WWOX: variants seen among roughly 807,000 people sequenced by gnomAD.
WWOX encodes WW domain-containing oxidoreductase.
WWOX carries 69 observed loss-of-function variants against 46.2 expected under a neutral mutation model. That is an observed-to-expected ratio of 1.49 (90% CI 1.23 to 1.82). WWOX has a LOEUF of 1.82. WWOX is among the 40% of genes most tolerant of loss of function. The pLI is 0.00. For synonymous variants in WWOX, 359 were observed against 202.6 expected (o/e 1.77, Z -6.56); for missense variants, 919 against 542.6 (o/e 1.69, Z -6.89).
chr16:78,569,079 T>C (rs1384029499), intron 8 of WWOX, among the ~76,000 whole-genome samples: 1 of 152,198 alleles, frequency 6.6e-6, no homozygotes, highest in Non-Finnish European at 1.5e-5. Context: ...CAGGCCACTC[T>C]GTCTGAGGAA....
At chr16:78,547,721 C>T (rs1597247669) in intron 8 of WWOX, among the ~76,000 whole-genome samples, 1 of 152,138 alleles carries the variant, frequency 6.6e-6, no homozygotes, top group Admixed American at 6.5e-5. Context: ...CTTGCTATGT[C>T]CTCATATCGT....
intron 8 of WWOX, among the ~76,000 whole-genome samples, chr16:78,969,926 T>G (rs2046438206): frequency 6.6e-6 from 1 of 152,188 alleles, no homozygotes; most frequent in East Asian, 1.9e-4. Flanking sequence ...GTAAAGTTGA[T>G]TGTGGAAATT....
intron 5 of WWOX, among the ~76,000 whole-genome samples, chr16:78,170,482 A>T (rs764067820): frequency 1.3e-5 from 2 of 152,244 alleles, no homozygotes; most frequent in South Asian, 2.1e-4. Context: ...GTGCAAAGTG[A>T]TGCTTACTTT....
intron 8 of WWOX, among the ~76,000 whole-genome samples, chr16:78,744,326 T>G (rs760196446): frequency 1.8e-4 from 28 of 152,026 alleles, no homozygotes; most frequent in Non-Finnish European, 1.3e-4. Context: ...TGACGTTTCA[T>G]TTTTATTTGT....
intron 1 of WWOX, among the ~76,000 whole-genome samples, chr16:78,102,938 C>T (rs767902518): frequency 6.6e-5 from 10 of 152,172 alleles, no homozygotes; most frequent in Admixed American, 4.6e-4. Flanking sequence ...GACCCGCTTC[C>T]GGCTTCCTAA....
intron 8 of WWOX, among the ~76,000 whole-genome samples, chr16:78,547,658 G>A (rs1378514631): frequency 1.3e-5 from 2 of 152,124 alleles, no homozygotes; most frequent in Non-Finnish European, 2.9e-5. Flanking sequence ...CAAGCTGCTG[G>A]CAGATTGAGT....
At chr16:78,466,915 C>T (rs2084092774) in intron 8 of WWOX, among the ~76,000 whole-genome samples, 2 of 150,442 alleles carry the variant, frequency 1.3e-5, no homozygotes, top group African/African-American at 2.5e-5. Context: ...GTAGCATGGG[C>T]AGGAAATAAT....
At chr16:79,068,505 G>C (rs777276602) in intron 8 of WWOX, among the ~76,000 whole-genome samples, 6 of 151,998 alleles carry the variant, frequency 3.9e-5, no homozygotes, top group Non-Finnish European at 8.8e-5. Flanking sequence ...CGTGTAGGAA[G>C]CTCAAGACAG....
At chr16:79,028,054 C>G (rs1005106048) in intron 8 of WWOX, among the ~76,000 whole-genome samples, 2 of 151,782 alleles carry the variant, frequency 1.3e-5, no homozygotes, top group Admixed American at 1.3e-4. Context: ...TGGGTTCACG[C>G]CATTCTCCTG....
At chr16:78,103,167 A>G (rs1272302652) in intron 1 of WWOX, among the ~76,000 whole-genome samples, 1 of 150,508 alleles carries the variant, frequency 6.6e-6, no homozygotes, top group African/African-American at 2.5e-5. Flanking sequence ...GGGTGCATAC[A>G]TGGTTTCCAA....
At chr16:78,932,894 A>G (rs1319318599) in intron 8 of WWOX, among the ~76,000 whole-genome samples, 1 of 152,222 alleles carries the variant, frequency 6.6e-6, no homozygotes, top group East Asian at 1.9e-4. Flanking sequence ...TTTAAGTTCC[A>G]TAAAGTCACT....
chr16:78,178,697 C>T (rs757345009), intron 5 of WWOX, among the ~76,000 whole-genome samples: 4 of 151,978 alleles, frequency 2.6e-5, no homozygotes, highest in African/African-American at 4.8e-5. Context: ...GAAACTGTGT[C>T]TACTAAAAAT....
intron 8 of WWOX, among the ~76,000 whole-genome samples, chr16:78,942,174 G>T (rs1448824124): frequency 6.6e-6 from 1 of 152,192 alleles, no homozygotes; most frequent in Non-Finnish European, 1.5e-5. Context: ...AGCAGAGTGG[G>T]TGCGTCTTTG....
intron 8 of WWOX, among the ~76,000 whole-genome samples, chr16:78,623,448 G>T (rs951881012): frequency 3.9e-5 from 6 of 152,162 alleles, no homozygotes; most frequent in African/African-American, 1.2e-4. Context: ...GGGAGACCAA[G>T]GCGGGCAGAT....
At chr16:78,336,563 G>C (rs934227363) in intron 5 of WWOX, among the ~76,000 whole-genome samples, 4 of 149,014 alleles carry the variant, frequency 2.7e-5, no homozygotes, top group Non-Finnish European at 5.9e-5. Context: ...GGGAGCAAAG[G>C]AGTCTTGTGG....
chr16:78,849,589 A>T (rs903790939), intron 8 of WWOX, among the ~76,000 whole-genome samples: 1 of 148,058 alleles, frequency 6.8e-6, no homozygotes, highest in African/African-American at 2.6e-5. Flanking sequence ...AAAAAAAAAA[A>T]AAAGAAAACA....
intron 8 of WWOX, among the ~76,000 whole-genome samples, chr16:79,121,854 C>T (rs11649247): frequency 0.22 from 32,710 of 152,026 alleles, 3,868 homozygotes; most frequent in East Asian, 0.45. Context: ...TAAAACAATT[C>T]GTTCTCAGCA....
At chr16:78,243,606 G>T (rs1485697907) in intron 5 of WWOX, among the ~76,000 whole-genome samples, 1 of 152,052 alleles carries the variant, frequency 6.6e-6, no homozygotes, top group Non-Finnish European at 1.5e-5. Flanking sequence ...GAATGCAGTG[G>T]CACCATCTTG....
At chr16:79,040,108 C>T (rs999654461) in intron 8 of WWOX, among the ~76,000 whole-genome samples, 22 of 152,264 alleles carry the variant, frequency 1.4e-4, no homozygotes, top group African/African-American at 3.9e-4. Context: ...CCATAGGTTG[C>T]TGTGAAGATT....
Sources: gnomAD v4.1 joint callset for allele counts (sites outside exome capture counted in the v4.1 genomes callset) on GRCh38, gnomAD v4.1.1 for gene constraint, MANE v1.5 for transcripts, NCBI Gene and HGNC (gene_info 2026-07-23, HGNC 2026-07-21) for gene names.